MALT1: variants seen among roughly 807,000 people sequenced by gnomAD.
MALT1 encodes mucosa-associated lymphoid tissue lymphoma translocation protein 1.
MALT1 carries 36 observed loss-of-function variants against 85.5 expected under a neutral mutation model. That is an observed-to-expected ratio of 0.42 (90% CI 0.32 to 0.56). The LOEUF is 0.56. Among genes scored for constraint, MALT1 ranks in the 20% least tolerant of loss-of-function variants. The pLI, the probability that MALT1 is intolerant of heterozygous loss-of-function variation, is 0.10. For synonymous variants in MALT1, 359 were observed against 361.3 expected (o/e 0.99, Z 0.07); for missense variants, 716 against 981.6 (o/e 0.73, Z 3.62).
intron 9 of MALT1, among the ~76,000 whole-genome samples, chr18:58,716,784 G>A (rs2054906615): frequency 6.6e-6 from 1 of 152,192 alleles, no homozygotes; most frequent in South Asian, 2.1e-4. Flanking sequence ...AGGGGAAAAT[G>A]TGAGGATATT....
chr18:58,685,986 A>G (rs1473863524), intron 2 of MALT1, among the ~76,000 whole-genome samples: 1 of 152,142 alleles, frequency 6.6e-6, no homozygotes, highest in Non-Finnish European at 1.5e-5. Flanking sequence ...CTGTATAGAT[A>G]GACTTAGATG....
rs1258933374 is a variant in MALT1, at chr18:58,741,945, G to A, written c.1684G>A (p.Asp562Asn). ...SSLSEKRALT[D>N]PIQGTEYSAE... ...TTTATCTGAGAAGAGAGCACTTACT[G>A]ATCCAATACAGGGAACAGAATATTC... Residue 562 changes from aspartate to asparagine, a missense_variant, in exon 14 of 17, where the codon GAT becomes AAT. Physicochemically the swap from Asp to Asn is conservative, Grantham distance 23 (BLOSUM62 1). Transcript: ENST00000649217. 1.3e-5 allele frequency: 21 copies of A among 1,571,916 alleles called. No homozygotes were observed. Among genetic ancestry groups the A allele is most frequent in the Non-Finnish European group, 1.7e-5 (20 of 1,149,394 alleles).
rs2054803699 is a variant in MALT1, at chr18:58,709,563, A to G, written c.828+7A>G. The G allele has an allele frequency of 6.3e-7, 1 of 1,585,822 alleles. No individual in the cohort carries two copies. The highest frequency in any genetic ancestry group is 8.6e-7 in the Non-Finnish European group (1 of 1,168,048). ...GACCAAAAAGCTATACATGGTAGGA[A>G]GTTGATTTTGGGGTCTTTTGGGGGA... On this transcript the variant is annotated splice_region_variant and intron_variant, in intron 5 of 16. Transcript: ENST00000649217.
chr18:58,700,355 A>C (rs956448946), intron 3 of MALT1, 86 bp from the exon 4 acceptor site: 6 of 1,074,940 alleles, frequency 5.6e-6, no homozygotes, highest in Admixed American at 3.0e-5. Context: ...TCAAAGCTTC[A>C]TACTGAAATC....
At position 58,692,415 on chromosome 18, in the gene MALT1, T is replaced by G. The variant is rs1471249604; in HGVS notation, c.377-3951T>G. On this transcript the variant is annotated intron_variant, in intron 2 of 16. Coordinates refer to ENST00000649217, the MANE Select transcript of MALT1 (RefSeq NM_006785.4). ...TCCACCGACTGGCCATTCCTCTCTC[T>G]CTCTCTCTCTCTCTCTCTCTCACTC... Among the ~76,000 whole-genome samples the G allele has an allele frequency of 3.6e-5, 3 of 83,364 alleles. No homozygotes were observed. The East Asian group carries it at 1.4e-3, about 39-fold the overall frequency. The allele number at this position is 83,364 out of a possible 152,430, so 54.7% of individuals were successfully genotyped here.
In MALT1 at chr18:58,750,447, A is replaced by T. The variant is rs983638052; in HGVS notation, c.*2605A>T. 6.6e-6 allele frequency: 1 copy of T among 152,238 alleles called. No homozygotes were observed. The highest frequency in any genetic ancestry group is 1.5e-5 in the Non-Finnish European group (1 of 68,038). The allele number at this position is 152,238 out of a possible 1,614,324, so 9.4% of individuals were successfully genotyped here. On this transcript the variant is annotated 3_prime_UTR_variant, in exon 17 of 17. Transcript: ENST00000649217. ...GCAGGGGACCCAGAATAGCCAAAAA[A>T]CCTTGGAAAAGAACAAAGTTGGAAG...
At chr18:58,706,318 G>A (rs886166028) in intron 4 of MALT1, among the ~76,000 whole-genome samples, 1 of 152,070 alleles carries the variant, frequency 6.6e-6, no homozygotes, top group Non-Finnish European at 1.5e-5. Flanking sequence ...CACTGTGCCC[G>A]GGTAATTTTT....
At chr18:58,739,015 AT>A (rs1455838158) in intron 13 of MALT1, among the ~76,000 whole-genome samples, 1 of 152,116 alleles carries the variant, frequency 6.6e-6, no homozygotes, top group Non-Finnish European at 1.5e-5. Context: ...AGTTCTCTTA[AT>A]TTTTTTGAAA....
intron 13 of MALT1, among the ~76,000 whole-genome samples, chr18:58,739,432 G>A (rs150398628): frequency 4.5e-4 from 68 of 152,264 alleles, no homozygotes; most frequent in African/African-American, 1.6e-3. Context: ...CAACCAAGAT[G>A]GTTGATTTTA....
chr18:58,687,227 T>C (rs2054417476), intron 2 of MALT1, among the ~76,000 whole-genome samples: 1 of 152,170 alleles, frequency 6.6e-6, no homozygotes, highest in Non-Finnish European at 1.5e-5. Context: ...AAAGATGGTA[T>C]GGATGTGCAT....
chr18:58,707,917 T>C (rs1020616899), intron 4 of MALT1, among the ~76,000 whole-genome samples: 6 of 152,230 alleles, frequency 3.9e-5, no homozygotes, highest in African/African-American at 1.4e-4. Flanking sequence ...TAGAAATCTC[T>C]GTTTTACAGC....
chr18:58,690,190 A>G (rs1358885658), intron 2 of MALT1, among the ~76,000 whole-genome samples: 2 of 152,040 alleles, frequency 1.3e-5, no homozygotes, highest in Non-Finnish European at 2.9e-5. Context: ...CTCTTACAAT[A>G]TTTCGAACTT....
intron 2 of MALT1, among the ~76,000 whole-genome samples, chr18:58,693,655 A>T (rs1255761848): frequency 3.3e-5 from 5 of 152,152 alleles, no homozygotes; most frequent in Non-Finnish European, 7.3e-5. Flanking sequence ...GGCCCTTAAG[A>T]ATGATGCTAA....
intron 10 of MALT1, among the ~76,000 whole-genome samples, chr18:58,729,072 T>A (rs1404597758): frequency 6.6e-6 from 1 of 152,234 alleles, no homozygotes; most frequent in African/African-American, 2.4e-5. Flanking sequence ...ATTGTTAATT[T>A]AATGCAATTC....
chr18:58,748,393 A>T lies in MALT1; in HGVS notation c.*551A>T, dbSNP rs35904623. 11,382 of 177,780 alleles carry T rather than the reference A, an allele frequency of 0.064. 384 individuals carry two copies. Among genetic ancestry groups the T allele is most frequent in the Middle Eastern group, 0.14 (62 of 432 alleles). 11.0% of individuals were successfully genotyped at this position (177,780 alleles called of 1,614,324 possible). A position where few individuals can be genotyped will look rare whatever the true frequency, so the allele number is the denominator to read the frequency against. ...AGTGAAATATATTTATATATATATA[A>T]ATATATACAGATACATATCTGTGTA... On this transcript the variant is annotated 3_prime_UTR_variant, in exon 17 of 17. Transcript: ENST00000649217.
At chr18:58,673,843 G>A (rs1223073180) in intron 1 of MALT1, among the ~76,000 whole-genome samples, 1 of 152,152 alleles carries the variant, frequency 6.6e-6, no homozygotes, top group Non-Finnish European at 1.5e-5. Context: ...CTTGTGCAAA[G>A]GAGTAATGAT....
chr18:58,710,177 A>G (rs2054813153), intron 6 of MALT1, 105 bp downstream of exon 6: 4 of 604,166 alleles, frequency 6.6e-6, no homozygotes, highest in Non-Finnish European at 8.7e-6. Flanking sequence ...ACCCCATACT[A>G]TTTAATGATG....
chr18:58,674,929 A>T (rs1024175744), intron 1 of MALT1, among the ~76,000 whole-genome samples: 12 of 152,198 alleles, frequency 7.9e-5, no homozygotes, highest in South Asian at 4.1e-4. Context: ...TAATACAAAT[A>T]AGTAAACCAC....
intron 1 of MALT1, among the ~76,000 whole-genome samples, chr18:58,675,058 T>G (rs969393892): frequency 1.3e-5 from 2 of 152,286 alleles, no homozygotes; most frequent in East Asian, 3.9e-4. Context: ...CCATGTACAT[T>G]TGGGAATGTG....
Sources: allele counts gnomAD v4.1 joint callset (sites outside exome capture counted in the v4.1 genomes callset), GRCh38; gene constraint gnomAD v4.1.1; transcripts MANE v1.5; gene names NCBI Gene and HGNC (gene_info 2026-07-23, HGNC 2026-07-21).